DPP10: variants seen among roughly 807,000 people sequenced by gnomAD.
DPP10 encodes dipeptidyl peptidase like 10.
DPP10 carries 33 observed loss-of-function variants against 120.9 expected under a neutral mutation model. The observed-to-expected ratio is 0.27, with a 90% confidence interval of 0.21 to 0.37. DPP10 has a LOEUF of 0.37. Ranked by LOEUF, DPP10 falls within the 10% of genes least tolerant of loss-of-function variation. The probability of loss-of-function intolerance (pLI) is 1.00; values close to 1 mark genes in which losing one functional copy is unlikely to be tolerated. For missense variants in DPP10, 816 were observed against 942.8 expected (o/e 0.87, Z 1.76); for synonymous variants, 337 against 326.1 (o/e 1.03, Z -0.36).
chr2:114,536,161 C>T (rs1686467239), intron 1 of DPP10, among the ~76,000 whole-genome samples: 1 of 152,118 alleles, frequency 6.6e-6, no homozygotes, highest in African/African-American at 2.4e-5. Context: ...CTTCCATGCC[C>T]TCTTGGAGCC....
intron 3 of DPP10, among the ~76,000 whole-genome samples, chr2:115,390,553 T>C (rs1032254692): frequency 6.6e-6 from 1 of 152,132 alleles, no homozygotes; most frequent in Admixed American, 6.6e-5. Context: ...GGCCATTTCT[T>C]AAATGATTTT....
chr2:115,495,365 G>A (rs371287694), intron 3 of DPP10, among the ~76,000 whole-genome samples: 260 of 82,204 alleles, frequency 3.2e-3, no homozygotes, highest in South Asian at 5.4e-3. Context: ...GCCATTTTCT[G>A]AAAAAAAAAA....
intron 1 of DPP10, among the ~76,000 whole-genome samples, chr2:114,677,704 GTGTT>G (rs1182399856): frequency 6.6e-6 from 1 of 152,106 alleles, no homozygotes; most frequent in African/African-American, 2.4e-5. Context: ...AAGGAATATA[GTGTT>G]TGTTTCTCTA....
At chr2:115,641,288 T>A (rs1429086247) in intron 5 of DPP10, among the ~76,000 whole-genome samples, 1 of 152,174 alleles carries the variant, frequency 6.6e-6, no homozygotes, top group Admixed American at 6.5e-5. Context: ...AAGAGGAGAA[T>A]CAGGACAAGT....
At chr2:115,207,075 A>C (rs1216943720) in intron 1 of DPP10, among the ~76,000 whole-genome samples, 1 of 152,212 alleles carries the variant, frequency 6.6e-6, no homozygotes, top group Non-Finnish European at 1.5e-5. Context: ...TTTTGTGTGC[A>C]TAATAAACAT....
At chr2:114,993,674 A>T (rs990001323) in intron 1 of DPP10, among the ~76,000 whole-genome samples, 1 of 149,934 alleles carries the variant, frequency 6.7e-6, no homozygotes, top group Non-Finnish European at 1.5e-5. Flanking sequence ...CTATGCATAA[A>T]ATTTACAGAG....
In DPP10 at chr2:115,682,386, GT is replaced by G. The variant is rs564296337; in HGVS notation, c.442-7300del. ...TGAGGCTGTTAGTTTACTCAAGAGT[GT>G]AGTATGGTGAAAGTTACATGTTAAA... On this transcript the variant is annotated intron_variant, in intron 5 of 25. Transcript: ENST00000410059. Among the ~76,000 whole-genome samples, 444 of 151,964 alleles carry G rather than the reference GT, an allele frequency of 2.9e-3. 1 individual carries two copies. The highest frequency in any genetic ancestry group is 4.0e-3 in the Non-Finnish European group (268 of 67,800).
chr2:115,787,190 A>G lies in DPP10; in HGVS notation c.1532-3891A>G, dbSNP rs1300830451. 2.6e-5 allele frequency among the ~76,000 whole-genome samples: 4 copies of G among 152,242 alleles called. No individual in the cohort carries two copies. In the East Asian group the frequency reaches 7.7e-4, roughly 29 times the overall value. On this transcript the variant is annotated intron_variant, in intron 17 of 25. Transcript: ENST00000410059. Reference sequence around the variant, plus strand: ...TCACAACAAAACCCAGGCTTTCAAAATGTAAATGTCACAATGGTTGGTATC... The same window carrying G: ...TCACAACAAAACCCAGGCTTTCAAAGTGTAAATGTCACAATGGTTGGTATC...
chr2:114,597,914 C>T (rs749756747), intron 1 of DPP10, among the ~76,000 whole-genome samples: 48 of 151,996 alleles, frequency 3.2e-4, no homozygotes, highest in Admixed American at 2.6e-4. Context: ...TTTGACCACA[C>T]CAATATCTTT....
chr2:114,939,238 G>A (rs1020928208), intron 1 of DPP10, among the ~76,000 whole-genome samples: 5 of 152,088 alleles, frequency 3.3e-5, no homozygotes, highest in Non-Finnish European at 7.4e-5. Flanking sequence ...CATGATGAGT[G>A]GGCTGAGGAG....
At chr2:115,147,842 T>C (rs1237945811) in intron 1 of DPP10, among the ~76,000 whole-genome samples, 1 of 152,136 alleles carries the variant, frequency 6.6e-6, no homozygotes, top group Non-Finnish European at 1.5e-5. Context: ...AGAATGTGTA[T>C]TTGGAGTGGA....
In DPP10 at chr2:115,278,873, T is replaced by C. The variant is rs150399035; in HGVS notation, c.61-30366T>C. 1.8e-4 allele frequency among the ~76,000 whole-genome samples: 27 copies of C among 152,262 alleles called. No homozygotes were observed. In the East Asian group the frequency reaches 5.2e-3, roughly 29 times the overall value. On this transcript the variant is annotated intron_variant, in intron 1 of 25. Coordinates refer to ENST00000410059, the MANE Select transcript of DPP10 (RefSeq NM_020868.6). ...CCAAACTATAGCAGAAGCCTTTTTTTGTTTTTTAAAGCTTTAGCTTTACCT... is the reference window on the plus strand; with the variant it reads ...CCAAACTATAGCAGAAGCCTTTTTTCGTTTTTTAAAGCTTTAGCTTTACCT...
Position 114,501,735 on chromosome 2 carries a change from C to T in DPP10, c.60+58897C>T, listed in dbSNP as rs375121311. Among the ~76,000 whole-genome samples the T allele has an allele frequency of 6.1e-4, 93 of 152,006 alleles. 3 individuals are homozygous for T. The highest frequency in any genetic ancestry group is 2.1e-3 in the Admixed American group (32 of 15,266). ...CCTGCTTATGGTTTTGGTGCTAGAG[C>T]GGTTCAATTTCATTTTGCAACTCTC... On this transcript the variant is annotated intron_variant, in intron 1 of 25. Transcript: ENST00000410059.
chr2:114,637,718 C>A (rs1016759729), intron 1 of DPP10, among the ~76,000 whole-genome samples: 1 of 151,812 alleles, frequency 6.6e-6, no homozygotes, highest in African/African-American at 2.4e-5. Context: ...GCCTGCTATC[C>A]CAGCACCATT....
intron 1 of DPP10, among the ~76,000 whole-genome samples, chr2:115,050,565 A>T (rs564345012): frequency 6.6e-6 from 1 of 152,276 alleles, no homozygotes; most frequent in Admixed American, 6.5e-5. Context: ...GCAAAAAAAA[A>T]TAGATTAATT....
chr2:114,644,342 CTGTGTGTGTG>C (rs370038985), intron 1 of DPP10, among the ~76,000 whole-genome samples: 3 of 143,236 alleles, frequency 2.1e-5, no homozygotes, highest in Non-Finnish European at 4.6e-5. Flanking sequence ...CTGTGTGTGT[CTGTGTGTGTG>C]TGTGTGTGTG....
At chr2:115,043,523 A>C (rs543595771) in intron 1 of DPP10, among the ~76,000 whole-genome samples, 2 of 152,304 alleles carry the variant, frequency 1.3e-5, no homozygotes, top group African/African-American at 2.4e-5. Flanking sequence ...TCAGTGGCTG[A>C]TGCCTACCGT....
At chr2:114,851,872 C>T (rs1317635763) in intron 1 of DPP10, among the ~76,000 whole-genome samples, 2 of 152,204 alleles carry the variant, frequency 1.3e-5, no homozygotes, top group African/African-American at 4.8e-5. Context: ...CTGCACAATT[C>T]TGCTCACATT....
At chr2:115,674,868 T>C (rs1030483226) in intron 5 of DPP10, among the ~76,000 whole-genome samples, 6 of 152,196 alleles carry the variant, frequency 3.9e-5, no homozygotes, top group Admixed American at 3.9e-4. Context: ...ATTAGAGTAA[T>C]TGCTCTGTGA....
Sources: gnomAD v4.1 joint callset for allele counts (sites outside exome capture counted in the v4.1 genomes callset) on GRCh38, gnomAD v4.1.1 for gene constraint, MANE v1.5 for transcripts, NCBI Gene and HGNC (gene_info 2026-07-23, HGNC 2026-07-21) for gene names.